The following ZNF638 variants were observed in gnomAD, a reference collection of about 807,000 sequenced individuals.
The protein encoded by ZNF638 is CTCL tumor antigen se33-1.
In ZNF638, 46 loss-of-function variants were observed where a neutral mutation model predicts 195.6. That is an observed-to-expected ratio of 0.24 (90% CI 0.19 to 0.30). The LOEUF (loss-of-function observed/expected upper bound fraction) is 0.30, where lower values mean the gene tolerates loss of function less well. ZNF638 is among the 10% of genes least tolerant of loss of function. The pLI, the probability that ZNF638 is intolerant of heterozygous loss-of-function variation, is 1.00. For synonymous variants in ZNF638, 845 were observed against 772.0 expected (o/e 1.09, Z -1.57); for missense variants, 2,440 against 2,325.3 (o/e 1.05, Z -1.01).
In ZNF638 at chr2:71,426,923, A is replaced by T. The variant is rs2080551521; in HGVS notation, c.5054A>T (p.Glu1685Val). The T allele has an allele frequency of 1.9e-6, 3 of 1,614,116 alleles. No homozygotes were observed. In the East Asian group the frequency reaches 6.7e-5, roughly 36 times the overall value. ...CAGGAACGCTTGGTAACTGTGGATG[A>T]AATTGGAGAAGTGGAAGAGCTACCT... is the stretch of plus-strand genomic sequence containing the variant. ...LKQERLVTVD[E>V]IGEVEELPLN... Residue 1685 changes from glutamate (E) to valine (V), a missense_variant, in exon 24 of 28, where the codon GAA (glutamate) becomes GTA (valine). Physicochemically the swap from Glu to Val is moderately radical, Grantham distance 121. This residue lies in a region of ZNF638 where 1,883 missense variants were observed against 1,739.1 expected (regional missense o/e 1.08). Transcript: ENST00000264447.
chr2:71,403,622 T>C (rs2080048871), intron 16 of ZNF638, among the ~76,000 whole-genome samples: 1 of 152,208 alleles, frequency 6.6e-6, no homozygotes, highest in Non-Finnish European at 1.5e-5. Flanking sequence ...AGAATGTCTC[T>C]TCTTTTTTCT....
At chr2:71,352,556 G>A (rs545648012) in intron 2 of ZNF638, among the ~76,000 whole-genome samples, 8 of 151,968 alleles carry the variant, frequency 5.3e-5, no homozygotes, top group South Asian at 2.1e-4. Context: ...GCAGAGGTCC[G>A]GAGAGAAGAC....
At chr2:71,425,977 C>T (rs139406702) in intron 23 of ZNF638, among the ~76,000 whole-genome samples, 3 of 152,186 alleles carry the variant, frequency 2.0e-5, no homozygotes, top group African/African-American at 7.2e-5. Flanking sequence ...AATATGTATT[C>T]TATATATAAT....
chr2:71,414,691 G>C (rs977887585), intron 20 of ZNF638, among the ~76,000 whole-genome samples: 9 of 111,556 alleles, frequency 8.1e-5, no homozygotes, highest in African/African-American at 2.6e-4. Context: ...TGTTCTCGTT[G>C]GTTTCAAAGA....
At chr2:71,386,336 A>G (rs1315190970) in intron 10 of ZNF638, among the ~76,000 whole-genome samples, 2 of 150,484 alleles carry the variant, frequency 1.3e-5, no homozygotes, top group Non-Finnish European at 3.0e-5. Flanking sequence ...AATTTATGAT[A>G]TGTATGTGTG....
At chr2:71,370,082 A>G (rs2079281537) in intron 8 of ZNF638, 77 bp downstream of exon 8, 6 of 1,441,244 alleles carry the variant, frequency 4.2e-6, no homozygotes, top group East Asian at 2.3e-5. Flanking sequence ...TGGCACACAT[A>G]TAGAAATAGG....
chr2:71,426,414 T>C (rs1303646696), intron 23 of ZNF638, 46 bp from the exon 24 acceptor site: 2 of 1,368,430 alleles, frequency 1.5e-6, no homozygotes, highest in African/African-American at 2.9e-5. Flanking sequence ...ATCTAGCCAG[T>C]GGTCAAAATT....
intron 10 of ZNF638, chr2:71,380,809 C>T (rs566973331): frequency 3.0e-6 from 1 of 330,186 alleles, no homozygotes; most frequent in African/African-American, 2.1e-5. Context: ...CGTAGTTCCA[C>T]AGTTAATAGC....
intron 10 of ZNF638, among the ~76,000 whole-genome samples, chr2:71,385,259 C>T (rs2079613327): frequency 6.6e-6 from 1 of 152,130 alleles, no homozygotes; most frequent in Admixed American, 6.5e-5. Context: ...ACATGCTTAC[C>T]ATATGACATC....
rs866525304 is a variant in ZNF638 at position 71,347,875 on chromosome 2, G to A, written c.-202-878G>A. Among the ~76,000 whole-genome samples the A allele has an allele frequency of 6.6e-5, 10 of 152,300 alleles. 1 individual carries two copies. The highest frequency in any genetic ancestry group is 2.4e-4 in the African/African-American group (10 of 41,550). ...CAGATAACCTTGAATACAAATCTCAGCACAGTCACTTTTCTTTGTAAGTTA... is the reference window on the plus strand; with the variant it reads ...CAGATAACCTTGAATACAAATCTCAACACAGTCACTTTTCTTTGTAAGTTA... On this transcript the variant is annotated intron_variant, in intron 1 of 27. Coordinates refer to ENST00000264447, the MANE Select transcript of ZNF638 (RefSeq NM_014497.5).
At chr2:71,400,898 G>A (rs764163922) in intron 15 of ZNF638, among the ~76,000 whole-genome samples, 3 of 152,178 alleles carry the variant, frequency 2.0e-5, no homozygotes. Flanking sequence ...TAGAATACCA[G>A]TTGTTTGCAT....
chr2:71,425,209 C>T (rs2080514036), intron 23 of ZNF638, among the ~76,000 whole-genome samples: 1 of 152,070 alleles, frequency 6.6e-6, no homozygotes, highest in Admixed American at 6.5e-5. Flanking sequence ...TAGGTTTTTA[C>T]CATTCATAGA....
intron 21 of ZNF638, among the ~76,000 whole-genome samples, chr2:71,419,962 A>ACGCC (rs1553486376): frequency 3.5e-5 from 1 of 28,498 alleles, no homozygotes; most frequent in African/African-American, 1.4e-4. Context: ...CTTAATTCCC[A>ACGCC]CCCCCCCCCG....
chr2:71,359,101 T>A (rs1331557871), intron 3 of ZNF638, among the ~76,000 whole-genome samples: 1 of 152,176 alleles, frequency 6.6e-6, no homozygotes, highest in Non-Finnish European at 1.5e-5. Flanking sequence ...TAGAACTGAA[T>A]CTACAGTATC....
intron 21 of ZNF638, among the ~76,000 whole-genome samples, chr2:71,422,555 A>G (rs2080453573): frequency 6.6e-6 from 1 of 152,228 alleles, no homozygotes; most frequent in Admixed American, 6.5e-5. Flanking sequence ...CAGAGGAGGG[A>G]AAATATTGGC....
At chr2:71,352,171 A>G (rs2078951213) in intron 2 of ZNF638, among the ~76,000 whole-genome samples, 1 of 152,054 alleles carries the variant, frequency 6.6e-6, no homozygotes. Flanking sequence ...GGCTTTAGAT[A>G]TGCCTGTATA....
chr2:71,365,308 A>T, intron 5 of ZNF638, 121 bp from the exon 6 acceptor site: 1 of 795,778 alleles, frequency 1.3e-6, no homozygotes, highest in Non-Finnish European at 1.9e-6. Flanking sequence ...TAAAATCTAG[A>T]TTTTTGTATT....
intron 1 of ZNF638, among the ~76,000 whole-genome samples, chr2:71,343,507 A>G (rs189868164): frequency 6.6e-6 from 1 of 152,336 alleles, no homozygotes; most frequent in East Asian, 1.9e-4. Flanking sequence ...AACAGAAACA[A>G]CAAAAATCAG....
At chr2:71,388,733 T>C (rs1246273453) in intron 10 of ZNF638, 2 of 1,166,218 alleles carry the variant, frequency 1.7e-6, no homozygotes, top group Non-Finnish European at 2.6e-6. Context: ...AGTAAGTCAT[T>C]GGTGCCCACT....
Sources: allele counts gnomAD v4.1 joint callset (sites outside exome capture counted in the v4.1 genomes callset), GRCh38; gene constraint gnomAD v4.1.1; regional missense constraint gnomAD v4.1.1; transcripts MANE v1.5; gene names NCBI Gene and HGNC (gene_info 2026-07-23, HGNC 2026-07-21).